The following NFASC variants were observed in gnomAD, a reference collection of about 807,000 sequenced individuals.
NFASC encodes neurofascin homolog.
In NFASC, 43 loss-of-function variants were observed where a neutral mutation model predicts 147.5. The ratio of observed to expected loss-of-function variants is 0.29; its 90% confidence interval spans 0.23 to 0.38. The LOEUF is 0.38. NFASC is among the 10% of genes least tolerant of loss of function. NFASC has a pLI of 1.00. For missense variants in NFASC, 1,320 were observed against 1,689.0 expected (o/e 0.78, Z 3.83); for synonymous variants, 622 against 665.5 (o/e 0.93, Z 1.01).
intron 24 of NFASC, 45 bp downstream of exon 24, chr1:204,991,351 G>A (rs376856967): frequency 1.8e-4 from 290 of 1,601,142 alleles, no homozygotes; most frequent in Non-Finnish European, 2.2e-4. Context: ...ATGGGGCAGC[G>A]CAGGCGGAGC....
chr1:204,944,859 G>A (rs1271727286), intron 3 of NFASC: 1 of 157,440 alleles, frequency 6.4e-6, no homozygotes, highest in Non-Finnish European at 1.4e-5. Context: ...CTCTTGGCTG[G>A]AGTAATCAGG....
intron 2 of NFASC, among the ~76,000 whole-genome samples, chr1:204,924,212 C>G (rs1402240169): frequency 6.6e-6 from 1 of 152,158 alleles, no homozygotes; most frequent in Non-Finnish European, 1.5e-5. Context: ...ATTTTCACAT[C>G]TCCTCCAGCC....
At chr1:204,976,243 G>C (rs748293288) in intron 15 of NFASC, among the ~76,000 whole-genome samples, 26 of 152,190 alleles carry the variant, frequency 1.7e-4, no homozygotes, top group Non-Finnish European at 3.2e-4. Context: ...CCTGGGGTCA[G>C]GCTGGCCTGA....
At chr1:204,993,998 TTTC>T (rs2095796589) in intron 24 of NFASC, among the ~76,000 whole-genome samples, 1 of 152,152 alleles carries the variant, frequency 6.6e-6, no homozygotes, top group Non-Finnish European at 1.5e-5. Context: ...CTCGGAGGCT[TTTC>T]TTCTTTCCTC....
intron 1 of NFASC, among the ~76,000 whole-genome samples, chr1:204,879,654 G>A (rs2079736540): frequency 6.6e-6 from 1 of 152,290 alleles, no homozygotes; most frequent in East Asian, 1.9e-4. Flanking sequence ...GAGGACTGTG[G>A]GATTTATTTT....
Position 204,954,510 on chromosome 1 carries a change from C to A in NFASC, c.412+126C>A. On this transcript the variant is annotated intron_variant, in intron 6 of 29. Transcript: ENST00000339876. This position sits in a 1 kb window ranked among gnomAD's most constrained non-coding sequence, Gnocchi z 5.7. ...TGCAGTTGCCTTGGTGTTCTCTATG[C>A]ATCTTCCCCACCTCAGAATGATTCC... 1.2e-6 allele frequency: 1 copy of A among 820,232 alleles called. No homozygotes were observed. Among genetic ancestry groups the A allele is most frequent in the Non-Finnish European group, 1.9e-6 (1 of 528,878 alleles). 50.8% of individuals were successfully genotyped at this position (820,232 alleles called of 1,614,324 possible).
chr1:204,906,781 C>T (rs913700979), intron 1 of NFASC, among the ~76,000 whole-genome samples: 4 of 151,552 alleles, frequency 2.6e-5, no homozygotes, highest in Admixed American at 6.6e-5. Flanking sequence ...CTCCCGGGCT[C>T]ATGCCATTCT....
In NFASC at chr1:204,974,740, G is replaced by A. The variant is rs544677323; in HGVS notation, c.1475G>A (p.Arg492His). 54 of 1,613,868 alleles carry A rather than the reference G, an allele frequency of 3.3e-5. No homozygotes were observed. Among genetic ancestry groups the A allele is most frequent in the South Asian group, 5.5e-5 (5 of 91,060 alleles). The change falls in exon 14 of 30, where the codon CGC (arginine) becomes CAC (histidine). Residue 492 changes from arginine to histidine, a missense_variant. By Grantham distance (29) the Arg-to-His change is conservative. Coordinates refer to ENST00000339876, the MANE Select transcript of NFASC (RefSeq NM_001005388.3). ...GGCAGTCTGGAAATTAAGATGATCC[G>A]CAAAGAGGACCAGGGCATCTACACC... ...ENGSLEIKMI[R>H]KEDQGIYTCV...
chr1:204,839,991 C>T (rs1166146262), intron 1 of NFASC, among the ~76,000 whole-genome samples: 1 of 152,132 alleles, frequency 6.6e-6, no homozygotes, highest in Non-Finnish European at 1.5e-5. Context: ...GCTGCATATC[C>T]CTGTTGGGGT....
chr1:204,973,914 C>G (rs529986825), intron 12 of NFASC, among the ~76,000 whole-genome samples: 2 of 152,130 alleles, frequency 1.3e-5, no homozygotes, highest in Non-Finnish European at 2.9e-5. Flanking sequence ...GATGGGGCAG[C>G]TATGGAACCT....
At position 204,954,780 on chromosome 1, in the gene NFASC, G is replaced by A. The variant is rs201163470; in HGVS notation, c.413-49G>A. The A allele has an allele frequency of 2.2e-5, 35 of 1,604,654 alleles. No individual in the cohort carries two copies. The highest frequency in any genetic ancestry group is 5.5e-5 in the South Asian group (5 of 90,490). On this transcript the variant is annotated intron_variant, in intron 6 of 29. Coordinates refer to ENST00000339876, the MANE Select transcript of NFASC (RefSeq NM_001005388.3). This position sits in a 1 kb window ranked among gnomAD's most constrained non-coding sequence, Gnocchi z 5.7. The stretch of plus-strand genomic sequence containing the variant: ...TGCCTCTGACCCTGCTCCTTGCCCC[G>A]GGCCCAGCCATCACCCTCACTTTAT...
intron 12 of NFASC, among the ~76,000 whole-genome samples, 162 bp from the exon 13 acceptor site, chr1:204,974,017 C>G (rs2095336398): frequency 6.6e-6 from 1 of 152,150 alleles, no homozygotes; most frequent in African/African-American, 2.4e-5. Flanking sequence ...CCTTCCCCAC[C>G]TAATCCTTAG....
chr1:204,959,552 AG>A (rs369702428), intron 8 of NFASC, among the ~76,000 whole-genome samples: 115 of 152,350 alleles, frequency 7.5e-4, no homozygotes, highest in African/African-American at 2.7e-3. Flanking sequence ...GGGGAGGAGC[AG>A]GGATGTCAAG....
chr1:204,883,050 G>A (rs1010091837), intron 1 of NFASC, among the ~76,000 whole-genome samples: 1 of 152,098 alleles, frequency 6.6e-6, no homozygotes, highest in Non-Finnish European at 1.5e-5. Context: ...AAGGGCTAGA[G>A]GTAGGGTGTG....
At chr1:204,974,047 A>G in intron 12 of NFASC, 132 bp from the exon 13 acceptor site, 1 of 660,988 alleles carries the variant, frequency 1.5e-6, no homozygotes. Context: ...GAAGGAGGGA[A>G]GGTTGATAGG....
At chr1:204,943,739 A>G (rs1233669534) in intron 2 of NFASC, among the ~76,000 whole-genome samples, 4 of 152,182 alleles carry the variant, frequency 2.6e-5, no homozygotes, top group South Asian at 4.1e-4. Context: ...CCCCAGGCAC[A>G]CTCAGCACAT....
chr1:204,944,155 G>A, intron 2 of NFASC, 71 bp from the exon 3 acceptor site: 1 of 1,409,124 alleles, frequency 7.1e-7, no homozygotes, highest in South Asian at 1.2e-5. Context: ...GTCCTCCAAA[G>A]CCCTGTAGGA....
Position 204,950,544 on chromosome 1 carries a change from T to C in NFASC, c.92-13T>C, listed in dbSNP as rs200102701. On this transcript the variant is annotated splice_polypyrimidine_tract_variant and intron_variant, in intron 3 of 29. Coordinates refer to ENST00000339876, the MANE Select transcript of NFASC (RefSeq NM_001005388.3). ...TTTCTCCCTCTCCAATGCTAACCCG[T>C]CGGAACTAACAGCAAGCATTCAGAA... The C allele has an allele frequency of 1.9e-5, 31 of 1,611,822 alleles. No homozygotes were observed. In the South Asian group the frequency reaches 2.8e-4, roughly 14 times the overall value.
In NFASC at chr1:204,901,194, A is replaced by T. The variant is rs925707206; in HGVS notation, c.-199-19438A>T. On this transcript the variant is annotated intron_variant, in intron 1 of 29. Coordinates refer to ENST00000339876, the MANE Select transcript of NFASC (RefSeq NM_001005388.3). ...ATACAACTGGACATGTCAAGTAGGC[A>T]GTTGGATATGTGAAGCTCAGGGGAG... 6.6e-5 allele frequency among the ~76,000 whole-genome samples: 10 copies of T among 152,292 alleles called. No individual in the cohort carries two copies. In the East Asian group the frequency reaches 1.9e-3, roughly 29 times the overall value.
Sources: gnomAD v4.1 joint callset for allele counts (sites outside exome capture counted in the v4.1 genomes callset) on GRCh38, gnomAD v4.1.1 for gene constraint, Gnocchi (gnomAD v3.1) non-coding constraint, MANE v1.5 for transcripts, NCBI Gene and HGNC (gene_info 2026-07-23, HGNC 2026-07-21) for gene names.